CATIP: variants seen among roughly 807,000 people sequenced by gnomAD.
CATIP encodes ciliogenesis-associated TTC17-interacting protein.
Under a neutral mutation model 42.5 loss-of-function variants are expected in CATIP, and 40 were observed. The ratio of observed to expected loss-of-function variants is 0.94; its 90% CI spans 0.73 to 1.22. The LOEUF is 1.22. Among genes scored for constraint, CATIP ranks in the 50% most tolerant of loss-of-function variants. The probability of loss-of-function intolerance (pLI) is 0.00; values close to 1 mark genes in which losing one functional copy is unlikely to be tolerated. For missense variants in CATIP, 489 were observed against 496.0 expected, an observed-to-expected ratio of 0.99 and a Z score of 0.13; for synonymous variants, 222 against 200.2, an observed-to-expected ratio of 1.11 and a Z score of -0.92.
At position 218,362,875 on chromosome 2, in the gene CATIP, C is replaced by A; in HGVS notation, c.603C>A (p.Thr201=). 1 of 1,613,632 alleles carries A rather than the reference C, an allele frequency of 6.2e-7. No individual in the cohort carries two copies. Among genetic ancestry groups the A allele is most frequent in the East Asian group, 2.2e-5 (1 of 44,870 alleles). The change falls in exon 6 of 10, where the codon ACC becomes ACA. Residue 201 remains threonine, a synonymous_variant. Coordinates refer to ENST00000289388, the MANE Select transcript of CATIP (RefSeq NM_198559.2). Reference sequence around the variant, plus strand: ...ATGCCCGCTTCCTGACCTTGGACACCGAGGGCAAACTCTGCTATTTGACCT... The same window carrying A: ...ATGCCCGCTTCCTGACCTTGGACACAGAGGGCAAACTCTGCTATTTGACCT... ...PSNARFLTLD[T]EGKLCYLTYQ...
Position 218,360,584 on chromosome 2 carries a change from C to A in CATIP, c.387C>A (p.Leu129=). ...GCTCTGGCCCTCAGTTCCTCATCCT[C>A]CCCATGGAACGGAAGATGAGTTTGC... The part of the protein sequence containing the change: ...HSQDFIKFLI[L]PMERKMSLLK... The change falls in exon 5 of 10, where the codon CTC becomes CTA. Residue 129 remains leucine, a synonymous_variant. Coordinates refer to ENST00000289388, the MANE Select transcript of CATIP (RefSeq NM_198559.2). 6.2e-7 allele frequency: 1 copy of A among 1,613,722 alleles called. No homozygotes were observed. Among genetic ancestry groups the A allele is most frequent in the South Asian group, 1.1e-5 (1 of 91,058 alleles).
At chr2:218,360,738 A>C in intron 5 of CATIP, 79 bp downstream of exon 5, 1 of 1,170,848 alleles carries the variant, frequency 8.5e-7, no homozygotes, top group Non-Finnish European at 1.2e-6. Flanking sequence ...ATCAATTTAG[A>C]GAGTTTATTT....
chr2:218,364,521 A>G lies in CATIP; in HGVS notation c.631-107A>G. 5 of 1,458,230 alleles carry G rather than the reference A, an allele frequency of 3.4e-6. No individual in the cohort carries two copies. In the South Asian group the frequency reaches 3.9e-5, roughly 11 times the overall value. The allele number at this position is 1,458,230 out of a possible 1,614,324, so 90.3% of individuals were successfully genotyped here. Reference sequence around the variant, plus strand: ...TGGAGGTTTGGAGATGCAATATTAAATGTCTTGAGGTTGTTATGAGATGGA... The same window carrying G: ...TGGAGGTTTGGAGATGCAATATTAAGTGTCTTGAGGTTGTTATGAGATGGA... On this transcript the variant is annotated intron_variant, in intron 6 of 9. Coordinates refer to ENST00000289388, the MANE Select transcript of CATIP (RefSeq NM_198559.2).
chr2:218,366,805 T>C (rs1695457802), intron 7 of CATIP: 1 of 553,920 alleles, frequency 1.8e-6, no homozygotes, highest in Admixed American at 2.7e-5. Flanking sequence ...CTTTCTTCCG[T>C]GCATGAGTGA....
chr2:218,356,938 C>T (rs372118743), intron 1 of CATIP, 29 bp downstream of exon 1: 180 of 1,612,472 alleles, frequency 1.1e-4, no homozygotes, highest in Non-Finnish European at 1.5e-4. Context: ...GGGCTGGAGG[C>T]GGGGATCCTC....
intron 4 of CATIP, among the ~76,000 whole-genome samples, chr2:218,358,864 A>G (rs1695131911): frequency 6.8e-6 from 1 of 146,382 alleles, no homozygotes; most frequent in African/African-American, 2.5e-5. Context: ...AGCCTGGGTG[A>G]CAGAATGAGA....
At chr2:218,363,743 A>G (rs1695325026) in intron 6 of CATIP, among the ~76,000 whole-genome samples, 1 of 152,142 alleles carries the variant, frequency 6.6e-6, no homozygotes. Flanking sequence ...CAGGAGGCGG[A>G]GGTTGCAGTG....
chr2:218,357,525 T>G lies in CATIP; in HGVS notation c.119-9T>G, dbSNP rs1574732780. On this transcript the variant is annotated splice_polypyrimidine_tract_variant and intron_variant, in intron 2 of 9. Coordinates refer to ENST00000289388, the MANE Select transcript of CATIP (RefSeq NM_198559.2). ...GGCTTTATCTGTTCCCACGGGCCCC[T>G]CACCCCAGACAAGGAGGAGCTACAG... The G allele has an allele frequency of 1.2e-6, 2 of 1,612,850 alleles. No individual in the cohort carries two copies. The highest frequency in any genetic ancestry group is 4.5e-5 in the East Asian group (2 of 44,856).
intron 5 of CATIP, among the ~76,000 whole-genome samples, chr2:218,362,198 CA>C (rs1482607617): frequency 6.6e-6 from 1 of 151,400 alleles, no homozygotes. Context: ...AATAAAAATA[CA>C]AAAATTAGCT....
chr2:218,361,325 G>C (rs1695227114), intron 5 of CATIP, among the ~76,000 whole-genome samples: 1 of 151,234 alleles, frequency 6.6e-6, no homozygotes, highest in Non-Finnish European at 1.5e-5. Context: ...ACTAAGCTGA[G>C]ATCACGCCAC....
At chr2:218,367,161 C>T (rs1199166686) in intron 8 of CATIP, 61 bp downstream of exon 8, 25 of 1,328,304 alleles carry the variant, frequency 1.9e-5, no homozygotes, top group Non-Finnish European at 2.7e-5. Context: ...GAAACCTGGG[C>T]CTTCCAGGAT....
intron 8 of CATIP, 84 bp downstream of exon 8, chr2:218,367,184 AC>A: frequency 9.3e-7 from 1 of 1,073,880 alleles, no homozygotes; most frequent in Non-Finnish European, 1.4e-6. Flanking sequence ...AGGGGGCTGG[AC>A]CCAGTGTGCT....
chr2:218,363,297 G>T (rs1015643810), intron 6 of CATIP, among the ~76,000 whole-genome samples: 10 of 149,776 alleles, frequency 6.7e-5, no homozygotes, highest in Non-Finnish European at 1.0e-4. Context: ...TGGCTAACAT[G>T]GTGAAACCCC....
At chr2:218,367,700 C>A (rs1171401241) in intron 9 of CATIP, 22 bp from the exon 10 acceptor site, 2 of 1,583,224 alleles carry the variant, frequency 1.3e-6, no homozygotes, top group South Asian at 1.1e-5. Flanking sequence ...CCGGCTGAGG[C>A]TCGGGCTCTG....
rs1559101263 is a variant in CATIP, at chr2:218,357,533, G to A, written c.119-1G>A. ...CTGTTCCCACGGGCCCCTCACCCCA[G>A]ACAAGGAGGAGCTACAGATGCTGTT... On this transcript the variant is annotated splice_acceptor_variant, in intron 2 of 9. Transcript: ENST00000289388. LOFTEE classifies it high-confidence loss of function. 7.4e-6 allele frequency: 12 copies of A among 1,613,532 alleles called. No individual in the cohort carries two copies. The highest frequency in any genetic ancestry group is 1.0e-5 in the Non-Finnish European group (12 of 1,179,872).
chr2:218,368,050 G>C lies in CATIP; in HGVS notation c.*86G>C. On this transcript the variant is annotated 3_prime_UTR_variant, in exon 10 of 10. Coordinates refer to ENST00000289388, the MANE Select transcript of CATIP (RefSeq NM_198559.2). ...GCGCCGGGGCGGGTGCGCTTTCCGG[G>C]CTGCGGTTTTGGGGGAATAAATGGG... 2.1e-6 allele frequency: 3 copies of C among 1,418,946 alleles called. No individual in the cohort carries two copies. The highest frequency in any genetic ancestry group is 2.8e-6 in the Non-Finnish European group (3 of 1,088,182). 87.9% of individuals were successfully genotyped at this position (1,418,946 alleles called of 1,614,324 possible). A position where few individuals can be genotyped will look rare whatever the true frequency, so the allele number is the denominator to read the frequency against.
intron 9 of CATIP, 70 bp downstream of exon 9, chr2:218,367,588 C>T: frequency 6.2e-7 from 1 of 1,600,700 alleles, no homozygotes; most frequent in South Asian, 1.1e-5. Flanking sequence ...CTGATCTCTG[C>T]ACCTGATTGA....
At chr2:218,360,505 G>A (rs372666270) in intron 4 of CATIP, 68 bp from the exon 5 acceptor site, 1 of 1,192,366 alleles carries the variant, frequency 8.4e-7, no homozygotes, top group Non-Finnish European at 1.2e-6. Flanking sequence ...CATTAATGGA[G>A]AAGGGTCAGG....
At position 218,357,245 on chromosome 2, in the gene CATIP, G is replaced by C. The variant is rs1574732290; in HGVS notation, c.118+58G>C. ...GGGAGGGGTGCAAGTCTGGAGAGGA[G>C]GGAAGAAAGTCCAGTCTCTCTCTCT... On this transcript the variant is annotated intron_variant, in intron 2 of 9. Transcript: ENST00000289388. 10 of 1,033,852 alleles carry C rather than the reference G, an allele frequency of 9.7e-6. No individual in the cohort carries two copies. In the East Asian group the frequency reaches 1.7e-4, roughly 17 times the overall value. The allele number at this position is 1,033,852 out of a possible 1,614,324, so 64.0% of individuals were successfully genotyped here.
Sources: gnomAD v4.1 joint callset for allele counts (sites outside exome capture counted in the v4.1 genomes callset) on GRCh38, gnomAD v4.1.1 for gene constraint, MANE v1.5 for transcripts, NCBI Gene and HGNC (gene_info 2026-07-23, HGNC 2026-07-21) for gene names.